SBF2: variants seen among roughly 807,000 people sequenced by gnomAD.
The protein encoded by SBF2 is myotubularin-related protein 13.
Under a neutral mutation model 225.2 loss-of-function variants are expected in SBF2, and 112 were observed. The observed-to-expected ratio is 0.50, with a 90% confidence interval of 0.43 to 0.58. The LOEUF (loss-of-function observed/expected upper bound fraction) is 0.58, where lower values mean the gene tolerates loss of function less well. SBF2 is among the 20% of genes least tolerant of loss of function. The pLI is 0.00. For synonymous variants in SBF2, 763 were observed against 773.3 expected, an observed-to-expected ratio of 0.99 and a Z score of 0.22; for missense variants, 1,996 against 2,206.2, an observed-to-expected ratio of 0.90 and a Z score of 1.91.
At chr11:10,267,796 G>C (rs1962138106) in intron 1 of SBF2, among the ~76,000 whole-genome samples, 1 of 152,112 alleles carries the variant, frequency 6.6e-6, no homozygotes, top group African/African-American at 2.4e-5. Flanking sequence ...AGTTTAAGGT[G>C]GGGGTGAGGG....
intron 1 of SBF2, among the ~76,000 whole-genome samples, chr11:10,267,096 ATAAATTAAAT>A (rs745728332): frequency 6.6e-6 from 1 of 152,198 alleles, no homozygotes; most frequent in African/African-American, 2.4e-5. Flanking sequence ...CATCTCAAAA[ATAAATTAAAT>A]TAAATTAAAT....
At chr11:9,803,760 T>C (rs990111733) in intron 32 of SBF2, among the ~76,000 whole-genome samples, 1 of 152,198 alleles carries the variant, frequency 6.6e-6, no homozygotes, top group Non-Finnish European at 1.5e-5. Flanking sequence ...TTAAAGGAAT[T>C]TTTAAGAGGT....
chr11:10,065,184 A>C (rs1950584329), intron 2 of SBF2, among the ~76,000 whole-genome samples: 1 of 152,222 alleles, frequency 6.6e-6, no homozygotes. Flanking sequence ...ACCAAAGAAG[A>C]AGTCAAAAGA....
intron 1 of SBF2, among the ~76,000 whole-genome samples, chr11:10,269,168 T>A (rs1295248601): frequency 6.6e-6 from 1 of 152,234 alleles, no homozygotes. Context: ...ACCAGAAGTT[T>A]AGATAATGTT....
At chr11:10,139,037 C>G (rs941013998) in intron 2 of SBF2, among the ~76,000 whole-genome samples, 2 of 151,770 alleles carry the variant, frequency 1.3e-5, no homozygotes, top group African/African-American at 4.9e-5. Flanking sequence ...GAAACTAACT[C>G]ATATAATAAA....
intron 16 of SBF2, among the ~76,000 whole-genome samples, chr11:9,956,316 A>C (rs1866161307): frequency 6.6e-6 from 1 of 152,226 alleles, no homozygotes; most frequent in South Asian, 2.1e-4. Flanking sequence ...ATGCAGCTTT[A>C]TAAGATAATG....
chr11:9,926,697 T>C (rs993236765), intron 16 of SBF2, among the ~76,000 whole-genome samples: 1 of 152,100 alleles, frequency 6.6e-6, no homozygotes, highest in Non-Finnish European at 1.5e-5. Flanking sequence ...TATTTAAAAA[T>C]GAATAAAAAT....
intron 1 of SBF2, among the ~76,000 whole-genome samples, chr11:10,233,554 T>C (rs913428038): frequency 2.0e-5 from 3 of 150,824 alleles, no homozygotes; most frequent in African/African-American, 7.3e-5. Flanking sequence ...CAAATATATA[T>C]ATATATCTCT....
intron 20 of SBF2, among the ~76,000 whole-genome samples, chr11:9,853,330 G>A (rs1475842125): frequency 6.6e-6 from 1 of 152,186 alleles, no homozygotes; most frequent in Non-Finnish European, 1.5e-5. Flanking sequence ...GCACAACATT[G>A]TAGATGTAAT....
intron 2 of SBF2, among the ~76,000 whole-genome samples, chr11:10,104,166 C>T (rs1437014640): frequency 6.6e-6 from 1 of 151,612 alleles, no homozygotes; most frequent in African/African-American, 2.4e-5. Context: ...GTGAGTCTAA[C>T]TTCATCCTGT....
intron 16 of SBF2, among the ~76,000 whole-genome samples, chr11:9,916,598 C>T (rs1590432665): frequency 7.2e-6 from 1 of 138,752 alleles, no homozygotes; most frequent in Non-Finnish European, 1.5e-5. Context: ...CTTTCTTTTC[C>T]TTTTTTTTCT....
At chr11:9,782,235 A>G (rs1852060909) in intron 38 of SBF2, among the ~76,000 whole-genome samples, 1 of 152,122 alleles carries the variant, frequency 6.6e-6, no homozygotes, top group Non-Finnish European at 1.5e-5. Flanking sequence ...TATGTAACAT[A>G]TAAAAAGAGG....
At chr11:9,996,851 C>G (rs1251558166) in intron 9 of SBF2, among the ~76,000 whole-genome samples, 1 of 152,160 alleles carries the variant, frequency 6.6e-6, no homozygotes, top group Non-Finnish European at 1.5e-5. Flanking sequence ...TTTTGGCAAA[C>G]AATCACCTAG....
At chr11:10,061,745 A>ATCAT (rs1361218978) in intron 2 of SBF2, among the ~76,000 whole-genome samples, 1 of 152,218 alleles carries the variant, frequency 6.6e-6, no homozygotes, top group African/African-American at 2.4e-5. Context: ...AAGAATCAAT[A>ATCAT]TCATTAAAAT....
At chr11:9,960,037 G>A (rs1565061570) in intron 16 of SBF2, 1 of 265,344 alleles carries the variant, frequency 3.8e-6, no homozygotes, top group Admixed American at 4.7e-5. Flanking sequence ...CTAGGCTGGA[G>A]TTCAGTGGCT....
intron 2 of SBF2, among the ~76,000 whole-genome samples, chr11:10,092,464 A>C (rs891697787): frequency 6.6e-6 from 1 of 152,158 alleles, no homozygotes; most frequent in Non-Finnish European, 1.5e-5. Flanking sequence ...GAAGTGAAAA[A>C]CTTTGACTTG....
chr11:9,867,745 G>C (rs1413232078), intron 17 of SBF2, among the ~76,000 whole-genome samples: 2 of 152,144 alleles, frequency 1.3e-5, no homozygotes, highest in African/African-American at 4.8e-5. Context: ...AGGTCATTAT[G>C]TTAAACGAAA....
intron 13 of SBF2, among the ~76,000 whole-genome samples, chr11:9,970,640 CGTAA>C (rs917373195): frequency 5.3e-5 from 8 of 152,290 alleles, no homozygotes; most frequent in African/African-American, 1.4e-4. Flanking sequence ...CTCCCACTGC[CGTAA>C]GTGTCAAAAC....
chr11:10,030,931 T>G, intron 4 of SBF2, 117 bp downstream of exon 4: 1 of 886,842 alleles, frequency 1.1e-6, no homozygotes, highest in Non-Finnish European at 1.8e-6. Context: ...CTGTATTTCA[T>G]AGATGAATTC....
Sources: allele counts gnomAD v4.1 joint callset (sites outside exome capture counted in the v4.1 genomes callset), GRCh38; gene constraint gnomAD v4.1.1; transcripts MANE v1.5; gene names NCBI Gene and HGNC (gene_info 2026-07-23, HGNC 2026-07-21).